Variants in NUDCD3 observed in about 807,000 individuals in gnomAD.
The protein encoded by NUDCD3 is NudC domain containing 3.
A neutral mutation model predicts 39.7 loss-of-function variants in NUDCD3; 13 were observed. The observed-to-expected ratio is 0.33, with a 90% CI of 0.21 to 0.52. The LOEUF (loss-of-function observed/expected upper bound fraction) is 0.52, where lower values mean the gene tolerates loss of function less well. NUDCD3 is among the 20% of genes least tolerant of loss of function. NUDCD3 has a pLI of 0.96. For missense variants in NUDCD3, 453 were observed against 458.1 expected (o/e 0.99, Z 0.10); for synonymous variants, 175 against 172.4 (o/e 1.02, Z -0.12).
intron 3 of NUDCD3, 52 bp downstream of exon 3, chr7:44,427,519 G>A: frequency 6.3e-7 from 1 of 1,580,832 alleles, no homozygotes; most frequent in Non-Finnish European, 8.6e-7. Context: ...CCCTGCAACA[G>A]CTTTGACTGG....
chr7:44,466,555 A>T (rs1034863087), intron 2 of NUDCD3, among the ~76,000 whole-genome samples: 6 of 152,224 alleles, frequency 3.9e-5, no homozygotes, highest in African/African-American at 1.4e-4. Context: ...TACCAGGCTC[A>T]GCCATGTGGT....
chr7:44,412,230 C>T (rs1360433962), intron 3 of NUDCD3, among the ~76,000 whole-genome samples: 2 of 152,230 alleles, frequency 1.3e-5, no homozygotes, highest in East Asian at 3.8e-4. Context: ...AACACATCCA[C>T]GTGTACTGAG....
chr7:44,443,407 T>C (rs1799629085), intron 2 of NUDCD3, among the ~76,000 whole-genome samples: 1 of 151,950 alleles, frequency 6.6e-6, no homozygotes, highest in South Asian at 2.1e-4. Flanking sequence ...TTTTTTTCTT[T>C]TCTTTTTTCT....
intron 4 of NUDCD3, among the ~76,000 whole-genome samples, chr7:44,397,524 A>G (rs1457944798): frequency 1.3e-5 from 2 of 152,196 alleles, no homozygotes; most frequent in Non-Finnish European, 2.9e-5. Flanking sequence ...GTCTAGGGGC[A>G]TCTCATCATG....
chr7:44,406,590 T>G (rs772352440), intron 3 of NUDCD3, among the ~76,000 whole-genome samples: 2 of 152,162 alleles, frequency 1.3e-5, no homozygotes, highest in African/African-American at 2.4e-5. Context: ...ATTTCCAAAT[T>G]TGGGGAAGCT....
intron 3 of NUDCD3, among the ~76,000 whole-genome samples, chr7:44,411,883 A>T (rs1166410772): frequency 6.6e-6 from 1 of 152,252 alleles, no homozygotes; most frequent in Non-Finnish European, 1.5e-5. Flanking sequence ...GATTGGAGGT[A>T]CAAGTAGATG....
intron 1 of NUDCD3, among the ~76,000 whole-genome samples, chr7:44,485,979 C>A (rs1342877762): frequency 6.6e-6 from 1 of 152,196 alleles, no homozygotes; most frequent in Non-Finnish European, 1.5e-5. Flanking sequence ...CAAGAGGGGG[C>A]ATGACAAGGC....
chr7:44,466,684 C>A (rs1442180876), intron 2 of NUDCD3, among the ~76,000 whole-genome samples: 1 of 152,232 alleles, frequency 6.6e-6, no homozygotes, highest in Non-Finnish European at 1.5e-5. Context: ...CAGCTTTTCA[C>A]TAGGGACACT....
intron 2 of NUDCD3, among the ~76,000 whole-genome samples, chr7:44,440,858 T>C (rs1483998648): frequency 6.6e-6 from 1 of 152,202 alleles, no homozygotes; most frequent in Non-Finnish European, 1.5e-5. Context: ...ATGTGAGCTC[T>C]CTCTCTCACC....
intron 2 of NUDCD3, among the ~76,000 whole-genome samples, chr7:44,447,064 T>G (rs1258830236): frequency 1.3e-5 from 2 of 152,236 alleles, no homozygotes; most frequent in Non-Finnish European, 2.9e-5. Context: ...GTTCTTGCCT[T>G]AGAAGAGCCT....
chr7:44,484,646 C>G (rs1031734225), intron 2 of NUDCD3: 5 of 235,878 alleles, frequency 2.1e-5, no homozygotes, highest in African/African-American at 1.1e-4. Flanking sequence ...AAAACACAAA[C>G]AATCGAGCTG....
Position 44,386,181 on chromosome 7 carries a change from G to A in NUDCD3, c.976-60C>T, listed in dbSNP as rs1285398872. 16 of 1,574,202 alleles carry A rather than the reference G, an allele frequency of 1.0e-5. No individual in the cohort carries two copies. The South Asian group carries it at 1.6e-4, about 16-fold the overall frequency. On this transcript the variant is annotated intron_variant, in intron 5 of 5. Transcript: ENST00000355451. The stretch of plus-strand genomic sequence containing the variant: ...ACAACGCACTGTGTACTTTCTCCCA[G>A]AGCAGACTCTGACTGCAGGTAGAGA...
chr7:44,417,362 C>T (rs1799048374), intron 3 of NUDCD3, among the ~76,000 whole-genome samples: 1 of 152,200 alleles, frequency 6.6e-6, no homozygotes, highest in African/African-American at 2.4e-5. Context: ...AGATAGTCAA[C>T]AAGCATATCT....
intron 2 of NUDCD3, among the ~76,000 whole-genome samples, chr7:44,445,038 C>G (rs1019882124): frequency 9.9e-5 from 15 of 152,200 alleles, no homozygotes; most frequent in African/African-American, 3.6e-4. Flanking sequence ...AATGTCCCAC[C>G]CTTGGACTAC....
At chr7:44,488,202 G>A (rs1023529246) in intron 1 of NUDCD3, among the ~76,000 whole-genome samples, 3 of 151,654 alleles carry the variant, frequency 2.0e-5, no homozygotes, top group African/African-American at 7.3e-5. Flanking sequence ...GGGCGTGGTG[G>A]CGCACACCTG....
At chr7:44,406,912 G>A (rs1310788913) in intron 3 of NUDCD3, among the ~76,000 whole-genome samples, 2 of 152,174 alleles carry the variant, frequency 1.3e-5, no homozygotes, top group Non-Finnish European at 2.9e-5. Flanking sequence ...CCAGTTGGGA[G>A]TCGGCAGGTA....
At chr7:44,404,729 C>G (rs1372235642) in intron 3 of NUDCD3, 146 bp from the exon 4 acceptor site, 1 of 734,724 alleles carries the variant, frequency 1.4e-6, no homozygotes, top group Non-Finnish European at 2.1e-6. Flanking sequence ...GTGAAGAAAA[C>G]CATACCAGCC....
In NUDCD3 at chr7:44,478,467, C is replaced by T. The variant is rs182467305; in HGVS notation, c.509+6501G>A. Among the ~76,000 whole-genome samples, 176 of 152,290 alleles carry T rather than the reference C, an allele frequency of 1.2e-3. 3 individuals are homozygous for T. In the South Asian group the frequency reaches 0.017, roughly 15 times the overall value. The stretch of plus-strand genomic sequence containing the variant: ...ACTTGCAAGGCTAAGGCAGGAGAAT[C>T]GCTTGAACCTGGGAGGTGGAAGTTG... On this transcript the variant is annotated intron_variant, in intron 2 of 5. Coordinates refer to ENST00000355451, the MANE Select transcript of NUDCD3 (RefSeq NM_015332.4).
chr7:44,407,919 A>C (rs1798859309), intron 3 of NUDCD3, among the ~76,000 whole-genome samples: 1 of 152,212 alleles, frequency 6.6e-6, no homozygotes, highest in Middle Eastern at 3.2e-3. Context: ...GACAGTAATA[A>C]GATAATTTTC....
Sources: allele counts gnomAD v4.1 joint callset (sites outside exome capture counted in the v4.1 genomes callset), GRCh38; gene constraint gnomAD v4.1.1; transcripts MANE v1.5; gene names NCBI Gene and HGNC (gene_info 2026-07-23, HGNC 2026-07-21).